RBMS3: variants seen among roughly 807,000 people sequenced by gnomAD.
RBMS3 encodes the protein RNA binding motif single stranded interacting protein 3, also known as RNA-binding motif, single-stranded-interacting protein 3.
A neutral mutation model predicts 66.8 loss-of-function variants in RBMS3; 27 were observed. The ratio of observed to expected loss-of-function variants is 0.40; its 90% confidence interval spans 0.30 to 0.56. The LOEUF is 0.56. RBMS3 is among the 20% of genes least tolerant of loss of function. The pLI is 0.40. For missense variants in RBMS3, 513 were observed against 549.5 expected (o/e 0.93, Z 0.66); for synonymous variants, 188 against 183.0 (o/e 1.03, Z -0.22).
chr3:29,999,555 A>G (rs1422528634), intron 14 of RBMS3, among the ~76,000 whole-genome samples: 4 of 152,222 alleles, frequency 2.6e-5, no homozygotes, highest in Non-Finnish European at 4.4e-5. Flanking sequence ...TGGCACATAT[A>G]CACCATGGAA....
chr3:29,348,728 C>A (rs552666703), intron 1 of RBMS3, among the ~76,000 whole-genome samples: 1 of 152,270 alleles, frequency 6.6e-6, no homozygotes, highest in Admixed American at 6.5e-5. Flanking sequence ...CCAATTTCCT[C>A]CTTAATTAAA....
chr3:29,577,355 C>A (rs770942792), intron 3 of RBMS3, among the ~76,000 whole-genome samples: 7 of 152,170 alleles, frequency 4.6e-5, no homozygotes, highest in Non-Finnish European at 1.0e-4. Flanking sequence ...CTGTGAGCTG[C>A]CTTACTTATG....
chr3:29,534,813 C>T (rs939064992), intron 3 of RBMS3, among the ~76,000 whole-genome samples: 19 of 152,180 alleles, frequency 1.2e-4, no homozygotes, highest in African/African-American at 3.4e-4. Flanking sequence ...ATTATCCACT[C>T]GTGTCATATG....
intron 4 of RBMS3, among the ~76,000 whole-genome samples, chr3:29,612,578 A>G (rs2048528861): frequency 6.6e-6 from 1 of 152,086 alleles, no homozygotes; most frequent in African/African-American, 2.4e-5. Flanking sequence ...CAAACATTCT[A>G]CAAAATTTGT....
intron 3 of RBMS3, among the ~76,000 whole-genome samples, chr3:29,542,643 G>A (rs1281761013): frequency 6.6e-6 from 1 of 152,162 alleles, no homozygotes; most frequent in Non-Finnish European, 1.5e-5. Context: ...TTGCAGGTGT[G>A]AGCCACCACG....
chr3:29,456,494 G>A (rs1325195209), intron 2 of RBMS3, among the ~76,000 whole-genome samples: 2 of 152,126 alleles, frequency 1.3e-5, no homozygotes, highest in Admixed American at 6.6e-5. Context: ...TCACTCCGGA[G>A]AACAATCCTC....
At chr3:29,991,028 G>T in intron 13 of RBMS3, 54 bp from the exon 14 acceptor site, 1 of 1,562,014 alleles carries the variant, frequency 6.4e-7, no homozygotes, top group South Asian at 1.1e-5. Context: ...CCTATCTAGA[G>T]AGGGCCCTTC....
chr3:29,294,070 G>A (rs768428572), intron 1 of RBMS3, among the ~76,000 whole-genome samples: 7 of 151,778 alleles, frequency 4.6e-5, no homozygotes, highest in Non-Finnish European at 8.8e-5. Flanking sequence ...TGGGACCACA[G>A]TTTTGATCTC....
chr3:29,339,258 G>T (rs113187454), intron 1 of RBMS3, among the ~76,000 whole-genome samples: 3 of 152,128 alleles, frequency 2.0e-5, no homozygotes, highest in Admixed American at 6.6e-5. Context: ...CATTATCCTT[G>T]TCTGCCTGAA....
chr3:29,354,754 A>C (rs1436584033), intron 1 of RBMS3, among the ~76,000 whole-genome samples: 1 of 152,132 alleles, frequency 6.6e-6, no homozygotes, highest in Non-Finnish European at 1.5e-5. Context: ...GATACTGACC[A>C]AGGGGGTGTA....
chr3:29,723,950 G>A (rs963933216), intron 4 of RBMS3, among the ~76,000 whole-genome samples: 13 of 151,936 alleles, frequency 8.6e-5, no homozygotes, highest in African/African-American at 2.7e-4. Context: ...TAACACTACA[G>A]CTTCTTCGGT....
intron 4 of RBMS3, among the ~76,000 whole-genome samples, chr3:29,739,264 G>A (rs886302351): frequency 2.0e-5 from 3 of 152,098 alleles, no homozygotes; most frequent in Non-Finnish European, 4.4e-5. Flanking sequence ...AGACCATCCT[G>A]GCTAACACGG....
intron 1 of RBMS3, among the ~76,000 whole-genome samples, chr3:29,429,797 A>C (rs2041110075): frequency 6.6e-6 from 1 of 152,208 alleles, no homozygotes; most frequent in Non-Finnish European, 1.5e-5. Flanking sequence ...TCAGTGCTCC[A>C]AAATGATTTA....
intron 4 of RBMS3, 94 bp downstream of exon 4, chr3:29,587,299 G>T: frequency 1.4e-6 from 1 of 694,540 alleles, no homozygotes; most frequent in Non-Finnish European, 2.1e-6. Context: ...AGAGAGATCA[G>T]GAGGAAGGAA....
intron 14 of RBMS3, among the ~76,000 whole-genome samples, chr3:29,993,656 G>A (rs1699026776): frequency 6.6e-6 from 1 of 152,178 alleles, no homozygotes; most frequent in Non-Finnish European, 1.5e-5. Context: ...TTACTTGACT[G>A]CTAGAGCTAG....
chr3:29,435,696 T>G (rs2041372224), intron 2 of RBMS3, among the ~76,000 whole-genome samples: 1 of 152,104 alleles, frequency 6.6e-6, no homozygotes, highest in African/African-American at 2.4e-5. Flanking sequence ...TCCCAGCACT[T>G]TGGGAGGCTG....
At chr3:29,914,436 A>T (rs1415704003) in intron 10 of RBMS3, among the ~76,000 whole-genome samples, 1 of 151,844 alleles carries the variant, frequency 6.6e-6, no homozygotes, top group South Asian at 2.1e-4. Context: ...TGCTGGAGAG[A>T]ATAGATGAGA....
chr3:29,696,157 T>C (rs146203954), intron 4 of RBMS3, among the ~76,000 whole-genome samples: 36 of 152,332 alleles, frequency 2.4e-4, no homozygotes, highest in African/African-American at 7.9e-4. Context: ...CTCACAGGCA[T>C]CCAATTCAAG....
chr3:29,408,055 G>A (rs559968774), intron 1 of RBMS3, among the ~76,000 whole-genome samples: 6 of 151,956 alleles, frequency 3.9e-5, no homozygotes, highest in East Asian at 3.9e-4. Context: ...GGCAGATCAC[G>A]AGGTCAGGAG....
Sources: gnomAD v4.1 joint callset for allele counts (sites outside exome capture counted in the v4.1 genomes callset) on GRCh38, gnomAD v4.1.1 for gene constraint, MANE v1.5 for transcripts, NCBI Gene and HGNC (gene_info 2026-07-23, HGNC 2026-07-21) for gene names.